MYLK3: variants seen among roughly 807,000 people sequenced by gnomAD.
MYLK3 encodes the protein myosin light chain kinase 3.
MYLK3 carries 55 observed loss-of-function variants against 76.3 expected under a neutral mutation model. The ratio of observed to expected loss-of-function variants is 0.72; its 90% CI spans 0.58 to 0.90. The LOEUF is 0.90. MYLK3 is among the 40% of genes least tolerant of loss of function. The pLI is 0.00. For missense variants in MYLK3, 973 were observed against 1,053.6 expected (o/e 0.92, Z 1.06); for synonymous variants, 416 against 425.4 (o/e 0.98, Z 0.27).
At position 46,727,355 on chromosome 16, in the gene MYLK3, CGAA is replaced by C; in HGVS notation, c.1792_1794del (p.Phe598del). On this transcript the variant is annotated inframe_deletion, in exon 8 of 13. Transcript: ENST00000394809. Reference sequence around the variant, plus strand: ...TGGTACTTCTCATCTGTGATCCGGTCGAAGAGCTCACCCCCGTCCACGCTGCCA... The same window carrying C: ...TGGTACTTCTCATCTGTGATCCGGTCGAGCTCACCCCCGTCCACGCTGCCA... 6.2e-7 allele frequency: 1 copy of C among 1,612,478 alleles called. No individual in the cohort carries two copies. The highest frequency in any genetic ancestry group is 8.5e-7 in the Non-Finnish European group (1 of 1,178,696).
Position 46,710,685 on chromosome 16 carries a change from G to T in MYLK3, c.2219C>A (p.Ser740Ter). 1 of 1,614,110 alleles carries T rather than the reference G, an allele frequency of 6.2e-7. No individual in the cohort carries two copies. The highest frequency in any genetic ancestry group is 8.5e-7 in the Non-Finnish European group (1 of 1,180,020). ...GGAAACAAAGTCCTTGGCCTCCTCC[G>T]AGAGCCCTTCAAAGGTGTCAGCATC... ...DFDADTFEGL[S>*]EEAKDFVSRL... is the part of the protein sequence containing the mutation. Residue 740 changes from serine to a stop codon, truncating the protein, a stop_gained, in exon 11 of 13, where the codon TCG (serine) becomes TAG (stop). Coordinates refer to ENST00000394809, the MANE Select transcript of MYLK3 (RefSeq NM_182493.3). LOFTEE classifies it high-confidence loss of function.
At position 46,740,127 on chromosome 16, in the gene MYLK3, T is replaced by G; in HGVS notation, c.498A>C (p.Glu166Asp). 6.2e-7 allele frequency: 1 copy of G among 1,613,844 alleles called. No individual in the cohort carries two copies. Among genetic ancestry groups the G allele is most frequent in the Non-Finnish European group, 8.5e-7 (1 of 1,179,856 alleles). Residue 166 changes from glutamate to aspartate, a missense_variant, in exon 2 of 13, where the codon GAA (glutamate) becomes GAC (aspartate). Physicochemically the swap from Glu to Asp is conservative, Grantham distance 45. Coordinates refer to ENST00000394809, the MANE Select transcript of MYLK3 (RefSeq NM_182493.3). The stretch of plus-strand genomic sequence containing the variant: ...GCACATGCTTTGGTTTTCCTCCCTC[T>G]TCTTCCACTCGCTCTTTATTCTAAA... The part of the protein sequence containing the change: ...SPEENKERVE[E>D]EGGKPKHVLS...
chr16:46,736,527 A>C (rs1204695558), intron 3 of MYLK3, among the ~76,000 whole-genome samples: 1 of 152,160 alleles, frequency 6.6e-6, no homozygotes, highest in African/African-American at 2.4e-5. Flanking sequence ...GAGGCCCCTA[A>C]CAACTTCATA....
chr16:46,754,145 G>A (rs1010070805), intron 1 of MYLK3, among the ~76,000 whole-genome samples: 17 of 152,260 alleles, frequency 1.1e-4, no homozygotes, highest in African/African-American at 2.9e-4. Flanking sequence ...ATGTGCAGGA[G>A]AGAAAGCTGT....
At chr16:46,720,131 T>C (rs1025513249) in intron 9 of MYLK3, among the ~76,000 whole-genome samples, 6 of 152,154 alleles carry the variant, frequency 3.9e-5, no homozygotes, top group Non-Finnish European at 5.9e-5. Context: ...TGAACAGAGA[T>C]TGCACCACTG....
intron 1 of MYLK3, among the ~76,000 whole-genome samples, chr16:46,743,481 G>A (rs1316806221): frequency 3.3e-5 from 5 of 152,274 alleles, no homozygotes; most frequent in South Asian, 2.1e-4. Flanking sequence ...CTCAGAACAC[G>A]GAGGGAAGCA....
intron 1 of MYLK3, among the ~76,000 whole-genome samples, chr16:46,740,654 C>T (rs930306841): frequency 4.0e-5 from 6 of 150,342 alleles, no homozygotes; most frequent in Non-Finnish European, 8.9e-5. Context: ...CAGGTTCAAA[C>T]GACCCTCCCA....
intron 1 of MYLK3, among the ~76,000 whole-genome samples, chr16:46,747,505 C>A (rs1480430152): frequency 6.6e-6 from 1 of 152,236 alleles, no homozygotes. Flanking sequence ...GCCAGAGCCC[C>A]GCTTCTTCCC....
chr16:46,740,551 A>ATTTTT (rs869207639), intron 1 of MYLK3, among the ~76,000 whole-genome samples: 2 of 128,390 alleles, frequency 1.6e-5, no homozygotes, highest in African/African-American at 3.0e-5. Context: ...ATATATATAT[A>ATTTTT]TTTTTTTTTT....
intron 2 of MYLK3, among the ~76,000 whole-genome samples, chr16:46,739,433 T>A (rs1357331975): frequency 6.6e-6 from 1 of 152,192 alleles, no homozygotes; most frequent in Non-Finnish European, 1.5e-5. Flanking sequence ...TGGCATAGCC[T>A]GCACAGAAAG....
chr16:46,741,645 G>A (rs1183698295), intron 1 of MYLK3, among the ~76,000 whole-genome samples: 2 of 152,142 alleles, frequency 1.3e-5, no homozygotes, highest in South Asian at 2.1e-4. Flanking sequence ...AAGAGAGGCC[G>A]CTGTATCAGT....
intron 3 of MYLK3, among the ~76,000 whole-genome samples, chr16:46,734,571 A>C (rs779311369): frequency 2.0e-5 from 3 of 152,084 alleles, no homozygotes; most frequent in Admixed American, 6.5e-5. Flanking sequence ...CAGTGAGTTG[A>C]GATCATGCCA....
At chr16:46,719,172 C>G (rs566861912) in intron 9 of MYLK3, among the ~76,000 whole-genome samples, 1 of 152,008 alleles carries the variant, frequency 6.6e-6, no homozygotes, top group African/African-American at 2.4e-5. Flanking sequence ...ACTAAAAATA[C>G]AAAAATTAGC....
At chr16:46,751,504 G>A (rs1967124528), upstream of MYLK3, among the ~76,000 whole-genome samples, 3 of 152,368 alleles carry the variant, frequency 2.0e-5, no homozygotes, top group South Asian at 4.1e-4. Context: ...GAAGGTGGCT[G>A]CGGCTGGAAG....
rs142136935 is a variant in MYLK3, at chr16:46,737,343, G to A, written c.1001+368C>T. 3.0e-3 allele frequency among the ~76,000 whole-genome samples: 457 copies of A among 152,306 alleles called. 2 individuals are homozygous for A. Among genetic ancestry groups the A allele is most frequent in the African/African-American group, 0.01 (433 of 41,554 alleles). ...TGGCCAGCTCAGGGGCAGGTGCTCC[G>A]TGAGCCCCATCTTTTAGCTACTGTT... On this transcript the variant is annotated intron_variant, in intron 3 of 12. Transcript: ENST00000394809.
chr16:46,750,138 C>T (rs1596776209), upstream of MYLK3, among the ~76,000 whole-genome samples: 1 of 152,216 alleles, frequency 6.6e-6, no homozygotes, highest in African/African-American at 2.4e-5. Flanking sequence ...GGGCAGGGGG[C>T]TCTCCTGACA....
intron 3 of MYLK3, 21 bp from the exon 4 acceptor site, chr16:46,732,689 G>A (rs900411883): frequency 1.2e-5 from 17 of 1,473,350 alleles, no homozygotes; most frequent in Non-Finnish European, 1.3e-5. Flanking sequence ...GAGAAACATG[G>A]TGCTGAGGTT....
intron 8 of MYLK3, 21 bp downstream of exon 8, chr16:46,727,215 C>A: frequency 6.2e-7 from 1 of 1,608,368 alleles, no homozygotes. Flanking sequence ...GCCCCTACCG[C>A]ATGCCCAGGG....
intron 2 of MYLK3, among the ~76,000 whole-genome samples, chr16:46,739,630 T>C (rs906300666): frequency 6.6e-6 from 1 of 152,210 alleles, no homozygotes; most frequent in Non-Finnish European, 1.5e-5. Context: ...AGGGAATATA[T>C]TTTATCTTCC....
Sources: gnomAD v4.1 joint callset for allele counts (sites outside exome capture counted in the v4.1 genomes callset) on GRCh38, gnomAD v4.1.1 for gene constraint, MANE v1.5 for transcripts, NCBI Gene and HGNC (gene_info 2026-07-23, HGNC 2026-07-21) for gene names.